Variants in HS3ST5 observed in about 807,000 individuals in gnomAD.
The protein encoded by HS3ST5 is heparan sulfate-glucosamine 3-sulfotransferase 5.
Under a neutral mutation model 25.4 loss-of-function variants are expected in HS3ST5, and 10 were observed. That is an observed-to-expected ratio of 0.39 (90% CI 0.24 to 0.67). The LOEUF (loss-of-function observed/expected upper bound fraction) is 0.67, where lower values mean the gene tolerates loss of function less well. Among genes scored for constraint, HS3ST5 ranks in the 30% least tolerant of loss-of-function variants. The pLI, the probability that HS3ST5 is intolerant of heterozygous loss-of-function variation, is 0.44. For missense variants in HS3ST5, 324 were observed against 420.7 expected, an observed-to-expected ratio of 0.77 and a Z score of 2.01; for synonymous variants, 170 against 162.4, an observed-to-expected ratio of 1.05 and a Z score of -0.36.
intron 3 of HS3ST5, chr6:114,084,202 G>T: frequency 9.2e-7 from 1 of 1,086,610 alleles, no homozygotes; most frequent in Non-Finnish European, 1.4e-6. Flanking sequence ...TATCCATTCA[G>T]TGGCCTGAGC....
At chr6:114,069,505 T>C (rs1272999444) in intron 3 of HS3ST5, among the ~76,000 whole-genome samples, 4 of 151,488 alleles carry the variant, frequency 2.6e-5, no homozygotes, top group African/African-American at 9.7e-5. Context: ...TTTGGATACT[T>C]ACATGGGAGA....
intron 3 of HS3ST5, among the ~76,000 whole-genome samples, chr6:114,127,853 TATAGAG>T (rs932706711): frequency 1.5e-4 from 22 of 147,880 alleles, no homozygotes; most frequent in African/African-American, 2.5e-4. Context: ...TATATATATA[TATAGAG>T]AGAGAGAGAG....
intron 1 of HS3ST5, among the ~76,000 whole-genome samples, chr6:114,252,885 A>AT (rs200398338): frequency 0.016 from 2,410 of 147,760 alleles, 59 homozygotes; most frequent in African/African-American, 0.056. Context: ...TGGTAACCAC[A>AT]TTTTTTTTTT....
intron 2 of HS3ST5, among the ~76,000 whole-genome samples, chr6:114,192,094 A>G (rs759059422): frequency 6.6e-5 from 10 of 152,236 alleles, no homozygotes; most frequent in Non-Finnish European, 1.2e-4. Context: ...AAGAAACAAC[A>G]TAATGAAATT....
chr6:114,191,350 T>C (rs1253805094), intron 2 of HS3ST5, among the ~76,000 whole-genome samples: 1 of 152,204 alleles, frequency 6.6e-6, no homozygotes, highest in Non-Finnish European at 1.5e-5. Flanking sequence ...ACACAATATA[T>C]ACAAGTAGAC....
chr6:114,068,732 T>TTTAGAAG (rs1303968488), intron 3 of HS3ST5, among the ~76,000 whole-genome samples: 7 of 152,226 alleles, frequency 4.6e-5, no homozygotes, highest in African/African-American at 1.7e-4. Context: ...TAAAGTTTTT[T>TTTAGAAG]TTTAGAAAGT....
chr6:114,109,212 A>T lies in HS3ST5; in HGVS notation c.-32-46335T>A, dbSNP rs530319506. On this transcript the variant is annotated intron_variant, in intron 3 of 4. Coordinates refer to ENST00000312719, the MANE Select transcript of HS3ST5 (RefSeq NM_153612.4). ...AGTCTTCCACTACTCTCCTAACAGA[A>T]GCAACCCTTGCACTGATTAAAGGTT... Among the ~76,000 whole-genome samples, 49 of 152,306 alleles carry T rather than the reference A, an allele frequency of 3.2e-4. 1 individual carries two copies. Among genetic ancestry groups the T allele is most frequent in the African/African-American group, 9.9e-4 (41 of 41,562 alleles).
intron 3 of HS3ST5, chr6:114,131,136 A>G (rs1404935131): frequency 6.6e-6 from 1 of 152,238 alleles, no homozygotes; most frequent in African/African-American, 2.4e-5. Flanking sequence ...AACTTTGCAG[A>G]TGCATCAAAG....
chr6:114,298,895 C>A (rs1211922269), intron 1 of HS3ST5, among the ~76,000 whole-genome samples: 1 of 152,040 alleles, frequency 6.6e-6, no homozygotes, highest in Non-Finnish European at 1.5e-5. Flanking sequence ...ACCTCAGGAC[C>A]CTGTGATGAT....
At chr6:114,290,082 A>G (rs2114770928) in intron 1 of HS3ST5, among the ~76,000 whole-genome samples, 1 of 152,288 alleles carries the variant, frequency 6.6e-6, no homozygotes, top group East Asian at 1.9e-4. Context: ...GTATGTTTCT[A>G]TAAGTTCCAT....
chr6:114,086,060 G>GA (rs562114287), intron 3 of HS3ST5, among the ~76,000 whole-genome samples: 42 of 149,886 alleles, frequency 2.8e-4, no homozygotes, highest in South Asian at 8.6e-4. Context: ...CAGTTTACAG[G>GA]AAAAAAAACG....
chr6:114,305,907 C>T (rs1775267708), intron 1 of HS3ST5, among the ~76,000 whole-genome samples: 1 of 151,978 alleles, frequency 6.6e-6, no homozygotes, highest in African/African-American at 2.4e-5. Context: ...CCATGGACCA[C>T]AATTTGAGAA....
At chr6:114,139,506 G>A (rs548784573) in intron 3 of HS3ST5, among the ~76,000 whole-genome samples, 5 of 152,206 alleles carry the variant, frequency 3.3e-5, no homozygotes, top group South Asian at 2.1e-4. Flanking sequence ...TATGAATAGC[G>A]CTGGAAACAT....
At chr6:114,190,253 C>CCTT (rs897172410) in intron 2 of HS3ST5, among the ~76,000 whole-genome samples, 7 of 151,976 alleles carry the variant, frequency 4.6e-5, no homozygotes, top group Non-Finnish European at 1.0e-4. Context: ...CTAAGCTTAC[C>CCTT]CTTGCTTCAC....
chr6:114,174,069 T>C (rs1214629586), intron 2 of HS3ST5, among the ~76,000 whole-genome samples: 1 of 151,946 alleles, frequency 6.6e-6, no homozygotes, highest in Non-Finnish European at 1.5e-5. Flanking sequence ...GGGGTCCTAA[T>C]TGCTCCCCAG....
At chr6:114,306,639 C>T (rs1775310899) in intron 1 of HS3ST5, among the ~76,000 whole-genome samples, 1 of 152,008 alleles carries the variant, frequency 6.6e-6, no homozygotes, top group Non-Finnish European at 1.5e-5. Context: ...AAAAAAGACA[C>T]CTATGGATTG....
At chr6:114,281,082 G>T (rs962270494) in intron 1 of HS3ST5, among the ~76,000 whole-genome samples, 24 of 151,900 alleles carry the variant, frequency 1.6e-4, no homozygotes, top group African/African-American at 5.6e-4. Flanking sequence ...TTTAATTTTG[G>T]AATTCAGAAT....
chr6:114,070,436 T>G (rs887869788), intron 3 of HS3ST5, among the ~76,000 whole-genome samples: 1 of 152,026 alleles, frequency 6.6e-6, no homozygotes, highest in African/African-American at 2.4e-5. Flanking sequence ...TTACCAAGGG[T>G]TTTTTTCATA....
At chr6:114,338,606 C>G (rs967829684) in intron 1 of HS3ST5, among the ~76,000 whole-genome samples, 2 of 151,954 alleles carry the variant, frequency 1.3e-5, no homozygotes, top group African/African-American at 4.8e-5. Flanking sequence ...ATCTTTTACT[C>G]TACTTTTGAT....
Sources: gnomAD v4.1 joint callset for allele counts (sites outside exome capture counted in the v4.1 genomes callset) on GRCh38, gnomAD v4.1.1 for gene constraint, MANE v1.5 for transcripts, NCBI Gene and HGNC (gene_info 2026-07-23, HGNC 2026-07-21) for gene names.